The following BMERB1 variants were observed in gnomAD, a reference collection of about 807,000 sequenced individuals.
BMERB1 encodes bMERB domain-containing protein 1.
Under a neutral mutation model 23.6 loss-of-function variants are expected in BMERB1, and 12 were observed. The observed-to-expected ratio is 0.51, with a 90% confidence interval of 0.33 to 0.82. BMERB1 has a LOEUF of 0.82. BMERB1 is among the 40% of genes least tolerant of loss of function. BMERB1 has a pLI of 0.03. For missense variants in BMERB1, 247 were observed against 255.4 expected, an observed-to-expected ratio of 0.97 and a Z score of 0.22; for synonymous variants, 122 against 96.6, an observed-to-expected ratio of 1.26 and a Z score of -1.54.
At chr16:15,503,649 G>A (rs868293888) in intron 1 of BMERB1, among the ~76,000 whole-genome samples, 6 of 152,154 alleles carry the variant, frequency 3.9e-5, no homozygotes, top group Middle Eastern at 3.4e-3. Flanking sequence ...AATCCCACAC[G>A]GATACTGAGG....
At position 15,583,241 on chromosome 16, in the gene BMERB1, G is replaced by A. The variant is rs1184196155; in HGVS notation, c.502+3G>A. The stretch of plus-strand genomic sequence containing the variant: ...CAAAGTAACCAAATCTCCAGCCAGT[G>A]AGTATATACATTATTCATTCCCCTC... On this transcript the variant is annotated splice_donor_region_variant and intron_variant, in intron 5 of 5. Transcript: ENST00000300006. 4 of 1,592,944 alleles carry A rather than the reference G, an allele frequency of 2.5e-6. No homozygotes were observed. Among genetic ancestry groups the A allele is most frequent in the East Asian group, 4.5e-5 (2 of 44,766 alleles).
intron 1 of BMERB1, among the ~76,000 whole-genome samples, chr16:15,513,906 A>G (rs1376234734): frequency 1.3e-5 from 2 of 152,144 alleles, no homozygotes; most frequent in African/African-American, 2.4e-5. Context: ...AAAAGAAAAA[A>G]AAGTGTGTCT....
intron 2 of BMERB1, among the ~76,000 whole-genome samples, chr16:15,552,312 C>T (rs1430128116): frequency 6.6e-6 from 1 of 151,910 alleles, no homozygotes. Context: ...TGGTGGTGTG[C>T]CCCTGTAATC....
intron 1 of BMERB1, among the ~76,000 whole-genome samples, chr16:15,455,170 A>G (rs954909876): frequency 7.9e-5 from 12 of 151,686 alleles, no homozygotes; most frequent in African/African-American, 2.9e-4. Flanking sequence ...CTAAAGATAC[A>G]GACATTAGCC....
chr16:15,468,146 T>C (rs1312063021), intron 1 of BMERB1, among the ~76,000 whole-genome samples: 3 of 80,978 alleles, frequency 3.7e-5, no homozygotes, highest in South Asian at 1.1e-3. Flanking sequence ...TTTTTTTTTT[T>C]TTTTTTTTTT....
chr16:15,553,112 AT>A (rs1261043224), intron 2 of BMERB1, among the ~76,000 whole-genome samples: 1 of 152,112 alleles, frequency 6.6e-6, no homozygotes, highest in African/African-American at 2.4e-5. Context: ...GGTTCAAGCA[AT>A]TCTCCTGCCT....
chr16:15,493,622 A>G (rs563825252), intron 1 of BMERB1, among the ~76,000 whole-genome samples: 22 of 151,744 alleles, frequency 1.4e-4, no homozygotes, highest in Non-Finnish European at 2.8e-4. Flanking sequence ...TCTCCCTCTG[A>G]CTTCACATTG....
At chr16:15,438,784 C>A (rs1476959764) in intron 1 of BMERB1, among the ~76,000 whole-genome samples, 1 of 152,072 alleles carries the variant, frequency 6.6e-6, no homozygotes. Flanking sequence ...CGTGTTTGCA[C>A]GCAGGGGGTG....
intron 1 of BMERB1, among the ~76,000 whole-genome samples, chr16:15,487,796 T>A (rs1023666061): frequency 1.3e-5 from 2 of 152,216 alleles, no homozygotes; most frequent in Non-Finnish European, 2.9e-5. Context: ...CTATATAAGG[T>A]AACTGACATT....
intron 1 of BMERB1, among the ~76,000 whole-genome samples, chr16:15,487,536 G>GA (rs1244688638): frequency 1.3e-5 from 2 of 152,114 alleles, no homozygotes; most frequent in Non-Finnish European, 2.9e-5. Flanking sequence ...TATTGTGCAA[G>GA]AAAGAACTCA....
At chr16:15,449,214 C>CA (rs1408510736) in intron 1 of BMERB1, among the ~76,000 whole-genome samples, 1 of 152,036 alleles carries the variant, frequency 6.6e-6, no homozygotes, top group Non-Finnish European at 1.5e-5. Context: ...CACCAGCTAG[C>CA]AAAAAAAGTA....
intron 2 of BMERB1, among the ~76,000 whole-genome samples, chr16:15,543,485 G>C (rs1026795395): frequency 6.6e-6 from 1 of 152,124 alleles, no homozygotes; most frequent in African/African-American, 2.4e-5. Flanking sequence ...TGCTACTGCT[G>C]CTGCTGATAC....
chr16:15,480,487 T>C (rs140436144), intron 1 of BMERB1, among the ~76,000 whole-genome samples: 1 of 152,164 alleles, frequency 6.6e-6, no homozygotes, highest in East Asian at 1.9e-4. Flanking sequence ...ATCCTATCCC[T>C]ACTAATTTGT....
At chr16:15,528,482 A>G (rs925630661) in intron 2 of BMERB1, among the ~76,000 whole-genome samples, 1 of 152,160 alleles carries the variant, frequency 6.6e-6, no homozygotes, top group Non-Finnish European at 1.5e-5. Context: ...TTAGCATGAT[A>G]AAGCCCATGA....
chr16:15,564,419 T>A (rs891427865), intron 2 of BMERB1, among the ~76,000 whole-genome samples: 1 of 152,186 alleles, frequency 6.6e-6, no homozygotes, highest in African/African-American at 2.4e-5. Context: ...CCGAGCTAAA[T>A]AAGAGATAAT....
chr16:15,495,370 GTTTT>G (rs987175137), intron 1 of BMERB1, among the ~76,000 whole-genome samples: 1 of 148,854 alleles, frequency 6.7e-6, no homozygotes, highest in African/African-American at 2.5e-5. Flanking sequence ...TAAGTTTTTT[GTTTT>G]TTGTTTTTTG....
intron 1 of BMERB1, among the ~76,000 whole-genome samples, chr16:15,435,511 A>C (rs762068391): frequency 4.0e-4 from 61 of 152,304 alleles, no homozygotes; most frequent in Admixed American, 2.0e-3. Flanking sequence ...CAAAGTGTAG[A>C]GGCAGCGTCA....
At chr16:15,583,801 C>T (rs182532684) in intron 5 of BMERB1, among the ~76,000 whole-genome samples, 1 of 152,244 alleles carries the variant, frequency 6.6e-6, no homozygotes, top group East Asian at 1.9e-4. Flanking sequence ...TAGAAGGGTG[C>T]CATGCTTGGT....
At chr16:15,521,389 A>T (rs1244280071) in intron 2 of BMERB1, among the ~76,000 whole-genome samples, 1 of 152,226 alleles carries the variant, frequency 6.6e-6, no homozygotes, top group Non-Finnish European at 1.5e-5. Flanking sequence ...CTTAAGGCCC[A>T]CAACAGTTGG....
Sources: gnomAD v4.1 joint callset for allele counts (sites outside exome capture counted in the v4.1 genomes callset) on GRCh38, gnomAD v4.1.1 for gene constraint, MANE v1.5 for transcripts, NCBI Gene and HGNC (gene_info 2026-07-23, HGNC 2026-07-21) for gene names.